The following AAMDC variants were observed in gnomAD, a reference collection of about 807,000 sequenced individuals.
AAMDC encodes adipogenesis associated Mth938 domain containing.
In AAMDC, 16 loss-of-function variants were observed where a neutral mutation model predicts 15.5. The observed-to-expected ratio is 1.03, with a 90% CI of 0.70 to 1.57. The LOEUF (loss-of-function observed/expected upper bound fraction) is 1.57. Ranked by LOEUF, AAMDC falls within the 40% of genes most tolerant of loss-of-function variation. AAMDC has a pLI of 0.00. For synonymous variants in AAMDC, 51 were observed against 51.6 expected, an observed-to-expected ratio of 0.99 and a Z score of 0.05; for missense variants, 141 against 144.9, an observed-to-expected ratio of 0.97 and a Z score of 0.14.
intron 5 of AAMDC, among the ~76,000 whole-genome samples, chr11:77,888,537 G>C (rs367663036): frequency 9.2e-5 from 14 of 152,072 alleles, no homozygotes; most frequent in African/African-American, 1.4e-4. Flanking sequence ...GTCTAAAACA[G>C]CAAAAGCAAT....
chr11:77,841,057 T>G, intron 1 of AAMDC: 1 of 607,824 alleles, frequency 1.6e-6, no homozygotes, highest in Non-Finnish European at 3.0e-6. Context: ...TTGGCTCGCA[T>G]CTGGTGAGAG....
chr11:77,878,358 T>C (rs1037632775), intron 5 of AAMDC, among the ~76,000 whole-genome samples: 1 of 146,990 alleles, frequency 6.8e-6, no homozygotes, highest in Admixed American at 6.8e-5. Context: ...CAAGACTCCA[T>C]CTCAAAAAAA....
At chr11:77,891,296 A>G in intron 5 of AAMDC, 1 of 1,606,738 alleles carries the variant, frequency 6.2e-7, no homozygotes, top group Non-Finnish European at 8.5e-7. Flanking sequence ...TAGAAGCTCC[A>G]TGAGGACCCA....
At chr11:77,863,432 G>T (rs527720637) in intron 2 of AAMDC, among the ~76,000 whole-genome samples, 5 of 152,170 alleles carry the variant, frequency 3.3e-5, no homozygotes, top group Non-Finnish European at 7.3e-5. Context: ...AGATTTAAGA[G>T]TGAAAACAGA....
At chr11:77,844,680 G>A (rs541603713) in intron 2 of AAMDC, among the ~76,000 whole-genome samples, 3 of 152,192 alleles carry the variant, frequency 2.0e-5, no homozygotes, top group South Asian at 2.1e-4. Context: ...TTGAATACAC[G>A]TTTATTCATT....
intron 2 of AAMDC, among the ~76,000 whole-genome samples, chr11:77,849,383 G>A (rs569067129): frequency 1.3e-5 from 2 of 152,020 alleles, no homozygotes; most frequent in Admixed American, 6.6e-5. Context: ...GACCACGCCC[G>A]GCTAATTTCT....
At chr11:77,854,571 T>G (rs1442901714) in intron 2 of AAMDC, among the ~76,000 whole-genome samples, 1 of 152,232 alleles carries the variant, frequency 6.6e-6, no homozygotes, top group Non-Finnish European at 1.5e-5. Flanking sequence ...TGGCTCCATG[T>G]CTCACATCCA....
chr11:77,869,740 C>G lies in AAMDC; in HGVS notation c.151C>G (p.Pro51Ala), dbSNP rs1166433343. The G allele has an allele frequency of 2.3e-5, 37 of 1,613,888 alleles. No homozygotes were observed. The highest frequency in any genetic ancestry group is 3.1e-5 in the Non-Finnish European group (37 of 1,179,866). Residue 51 changes from proline (P) to alanine (A), a missense_variant, in exon 3 of 4, where the codon CCT (proline) becomes GCT (alanine). Physicochemically the swap from Pro to Ala is conservative, Grantham distance 27 (BLOSUM62 -1). Coordinates refer to ENST00000393427, the MANE Select transcript of AAMDC (RefSeq NM_024684.4). The part of the protein sequence containing the change: ...TGTEHSPGVQ[P>A]ADVKEVVEKG... ...CATCCAGCATTCTCCTGGTGTGCAG[C>G]CTGCAGATGTGAAGGAAGTTGTTGA...
At chr11:77,833,120 C>T (rs1565197650) in intron 1 of AAMDC, among the ~76,000 whole-genome samples, 1 of 149,368 alleles carries the variant, frequency 6.7e-6, no homozygotes, top group Non-Finnish European at 1.5e-5. Context: ...AAGCAATTCT[C>T]CTGCCTCGGC....
At chr11:77,857,049 A>C (rs1950649425) in intron 2 of AAMDC, among the ~76,000 whole-genome samples, 1 of 152,238 alleles carries the variant, frequency 6.6e-6, no homozygotes, top group African/African-American at 2.4e-5. Context: ...TTCACTATGA[A>C]GTAATAGTGC....
chr11:77,900,300 C>T (rs559497784), intron 5 of AAMDC, among the ~76,000 whole-genome samples: 59 of 152,082 alleles, frequency 3.9e-4, no homozygotes, highest in East Asian at 2.9e-3. Flanking sequence ...AGGGTTTCAC[C>T]ATGTTAGCCA....
At chr11:77,822,298 G>T (rs1448932468) in intron 1 of AAMDC, among the ~76,000 whole-genome samples, 2 of 151,620 alleles carry the variant, frequency 1.3e-5, no homozygotes, top group African/African-American at 2.4e-5. Context: ...AAAATTAGCC[G>T]GGAATCCTTG....
chr11:77,828,587 C>T (rs1280653670), intron 1 of AAMDC, among the ~76,000 whole-genome samples: 1 of 150,240 alleles, frequency 6.7e-6, no homozygotes, highest in East Asian at 2.0e-4. Context: ...GGAAGAATGG[C>T]GTGAACCCGG....
Position 77,840,973 on chromosome 11 carries a change from C to T in AAMDC, c.-18-1506C>T, listed in dbSNP as rs180724970. On this transcript the variant is annotated intron_variant, in intron 1 of 3. Transcript: ENST00000393427. ...TGCTCCTATAACTGAATACCTGAAA[C>T]TGGGTAATTTAAAATTTATAATGAA... 4 of 497,024 alleles carry T rather than the reference C, an allele frequency of 8.0e-6. No homozygotes were observed. The Admixed American group carries it at 1.3e-4, about 16-fold the overall frequency. The allele number at this position is 497,024 out of a possible 1,614,324, so 30.8% of individuals were successfully genotyped here.
chr11:77,836,953 G>A (rs547339352), intron 1 of AAMDC, among the ~76,000 whole-genome samples: 16 of 152,200 alleles, frequency 1.1e-4, no homozygotes, highest in African/African-American at 2.9e-4. Flanking sequence ...CAACAAGAGC[G>A]AAACTCCATC....
chr11:77,889,246 T>C (rs932188020), intron 5 of AAMDC, among the ~76,000 whole-genome samples: 1 of 151,936 alleles, frequency 6.6e-6, no homozygotes, highest in Non-Finnish European at 1.5e-5. Context: ...TATGCAGCCA[T>C]AAAAAATGAT....
At chr11:77,893,137 A>C (rs1181548857) in intron 5 of AAMDC, among the ~76,000 whole-genome samples, 1 of 152,222 alleles carries the variant, frequency 6.6e-6, no homozygotes, top group Non-Finnish European at 1.5e-5. Context: ...GCATACCAGA[A>C]GTCTGGTCAC....
intron 5 of AAMDC, among the ~76,000 whole-genome samples, chr11:77,877,702 C>T (rs976299908): frequency 6.6e-6 from 1 of 152,060 alleles, no homozygotes; most frequent in African/African-American, 2.4e-5. Flanking sequence ...ACAGGCAGTA[C>T]CAAAGGTTAA....
chr11:77,848,459 G>A (rs927485467), intron 2 of AAMDC, among the ~76,000 whole-genome samples: 3 of 151,786 alleles, frequency 2.0e-5, no homozygotes, highest in Non-Finnish European at 4.4e-5. Context: ...CCAGGTTCAA[G>A]CGATTCTCCT....
Sources: gnomAD v4.1 joint callset for allele counts (sites outside exome capture counted in the v4.1 genomes callset) on GRCh38, gnomAD v4.1.1 for gene constraint, MANE v1.5 for transcripts, NCBI Gene and HGNC (gene_info 2026-07-23, HGNC 2026-07-21) for gene names.